The following BOLL variants were observed in gnomAD, a reference collection of about 807,000 sequenced individuals.
The protein encoded by BOLL is boule RNA binding protein.
A neutral mutation model predicts 44.4 loss-of-function variants in BOLL; 23 were observed. The observed-to-expected ratio is 0.52, with a 90% CI of 0.37 to 0.73. BOLL has a LOEUF of 0.73. Ranked by LOEUF, BOLL falls within the 30% of genes least tolerant of loss-of-function variation. The probability of loss-of-function intolerance (pLI) is 0.00; values close to 1 mark genes in which losing one functional copy is unlikely to be tolerated. For missense variants in BOLL, 287 were observed against 338.3 expected, an observed-to-expected ratio of 0.85 and a Z score of 1.19; for synonymous variants, 97 against 110.8, an observed-to-expected ratio of 0.88 and a Z score of 0.78.
chr2:197,755,251 G>A (rs1345651554), intron 9 of BOLL, among the ~76,000 whole-genome samples: 1 of 152,152 alleles, frequency 6.6e-6, no homozygotes, highest in Non-Finnish European at 1.5e-5. Context: ...AACAGATGCT[G>A]GTGAGGCTGT....
At position 197,781,937 on chromosome 2, in the gene BOLL, CAT is replaced by C. The variant is rs1298761359; in HGVS notation, c.-15-74_-15-73del. 6.8e-6 allele frequency: 9 copies of C among 1,328,472 alleles called. No individual in the cohort carries two copies. In the South Asian group the frequency reaches 1.8e-4, roughly 27 times the overall value. 82.3% of individuals were successfully genotyped at this position (1,328,472 alleles called of 1,614,324 possible). A position where few individuals can be genotyped will look rare whatever the true frequency, so the allele number is the denominator to read the frequency against. On this transcript the variant is annotated intron_variant, in intron 1 of 10. Coordinates refer to ENST00000392296, the MANE Select transcript of BOLL (RefSeq NM_033030.6). ...GTCTGCTTTTGATGCAGACCAAAAA[CAT>C]ATATTTTTCAAAAAGAAGAGTCATT...
At position 197,781,814 on chromosome 2, in the gene BOLL, C is replaced by T. The variant is rs2106395295; in HGVS notation, c.37G>A (p.Val13Met). ...GGGTTATTCAAAGGCACAGGTGACA[C>T]AGGATTAGGGGATGGAGATAATGAA... ...TDSLSPSPNPVSPVPLNNPTS... is the reference protein window; with the variant it reads ...TDSLSPSPNPMSPVPLNNPTS... Residue 13 changes from valine to methionine, a missense_variant, in exon 2 of 11, where the codon GTG becomes ATG. Coordinates refer to ENST00000392296, the MANE Select transcript of BOLL (RefSeq NM_033030.6). 6.2e-7 allele frequency: 1 copy of T among 1,607,820 alleles called. No individual in the cohort carries two copies. The highest frequency in any genetic ancestry group is 8.5e-7 in the Non-Finnish European group (1 of 1,175,706).
intron 5 of BOLL, 33 bp downstream of exon 5, chr2:197,775,632 A>G: frequency 7.5e-7 from 1 of 1,329,008 alleles, no homozygotes; most frequent in Non-Finnish European, 1.0e-6. Context: ...CCATGCAAAA[A>G]TATTTAAAAA....
chr2:197,771,676 T>C (rs912616665), intron 6 of BOLL, among the ~76,000 whole-genome samples, 179 bp downstream of exon 6: 4 of 152,050 alleles, frequency 2.6e-5, no homozygotes, highest in African/African-American at 9.7e-5. Context: ...GAAGCTGTCT[T>C]ACTTTACTCC....
chr2:197,771,490 G>A (rs1176840626), intron 6 of BOLL, among the ~76,000 whole-genome samples: 1 of 151,358 alleles, frequency 6.6e-6, no homozygotes. Context: ...AGAACTTAAA[G>A]TATATAAAAA....
At position 197,779,076 on chromosome 2, in the gene BOLL, TA is replaced by T. The variant is rs35066618; in HGVS notation, c.130-11del. 6.3e-7 allele frequency: 1 copy of T among 1,584,464 alleles called. No homozygotes were observed. The highest frequency in any genetic ancestry group is 8.6e-7 in the Non-Finnish European group (1 of 1,159,406). On this transcript the variant is annotated splice_polypyrimidine_tract_variant and intron_variant, in intron 2 of 10. Coordinates refer to ENST00000392296, the MANE Select transcript of BOLL (RefSeq NM_033030.6). ...AATCACTTTCGTTTGTCTAATGGCA[TA>T]AAAAGAAAACGTTAAAAAGCATTTT...
intron 5 of BOLL, chr2:197,773,912 G>A (rs1252713266): frequency 8.5e-6 from 3 of 351,838 alleles, no homozygotes; most frequent in South Asian, 2.3e-5. Context: ...GTTGGGACTC[G>A]GGTGTTGGTA....
At chr2:197,731,458 G>T (rs922242229) in intron 10 of BOLL, among the ~76,000 whole-genome samples, 1 of 145,242 alleles carries the variant, frequency 6.9e-6, no homozygotes, top group African/African-American at 2.6e-5. Context: ...TCTGCACCAA[G>T]CAGACCTAAC....
In BOLL at chr2:197,766,578, A is replaced by G; in HGVS notation, c.506T>C (p.Val169Ala). Reference protein sequence around the residue: ...WPSRSVCSSPVMVAQPIYQQP... With the variant: ...WPSRSVCSSPAMVAQPIYQQP... Reference sequence around the variant, plus strand: ...CTGATAAATGGGCTGAGCTACCATCACAGGGGAGCTACATACAGAACGTGA... The same window carrying G: ...CTGATAAATGGGCTGAGCTACCATCGCAGGGGAGCTACATACAGAACGTGA... The change falls in exon 7 of 11, where the codon GTG becomes GCG. Residue 169 changes from valine to alanine, a missense_variant. Coordinates refer to ENST00000392296, the MANE Select transcript of BOLL (RefSeq NM_033030.6). 1 of 1,612,570 alleles carries G rather than the reference A, an allele frequency of 6.2e-7. No homozygotes were observed. Among genetic ancestry groups the G allele is most frequent in the East Asian group, 2.2e-5 (1 of 44,840 alleles).
In BOLL at chr2:197,779,051, A is replaced by C. The variant is rs1428471901; in HGVS notation, c.145T>G (p.Leu49Val). 6 of 1,609,866 alleles carry C rather than the reference A, an allele frequency of 3.7e-6. No individual in the cohort carries two copies. The South Asian group carries it at 6.6e-5, about 18-fold the overall frequency. ...GIDFKTNESD[L>V]RKFFSQYGSV... ...CCATACTGGGAAAAAAATTTTCTTAAATCACTTTCGTTTGTCTAATGGCAT... is the reference window on the plus strand; with the variant it reads ...CCATACTGGGAAAAAAATTTTCTTACATCACTTTCGTTTGTCTAATGGCAT... Residue 49 changes from leucine (L) to valine (V), a missense_variant, in exon 3 of 11, where the codon TTA becomes GTA. Coordinates refer to ENST00000392296, the MANE Select transcript of BOLL (RefSeq NM_033030.6).
intron 10 of BOLL, among the ~76,000 whole-genome samples, chr2:197,739,033 C>G (rs1234492698): frequency 1.3e-5 from 2 of 152,074 alleles, no homozygotes; most frequent in South Asian, 2.1e-4. Flanking sequence ...TTCTAGAAAA[C>G]TACAGAAGTG....
chr2:197,785,882 T>C, upstream of BOLL: 1 of 1,013,204 alleles, frequency 9.9e-7, no homozygotes, highest in Non-Finnish European at 1.5e-6. The surrounding 1 kb of genome is among the most constrained non-coding windows in gnomAD (Gnocchi z 6.7). Context: ...TAGCGAGCGT[T>C]TGGGGCCTTC....
At chr2:197,757,649 G>A (rs191932131) in intron 7 of BOLL, among the ~76,000 whole-genome samples, 4 of 152,110 alleles carry the variant, frequency 2.6e-5, no homozygotes, top group African/African-American at 7.2e-5. Flanking sequence ...TTAAAATTAT[G>A]GTTCCAAAAG....
chr2:197,742,927 G>A (rs946798931), intron 10 of BOLL, 134 bp downstream of exon 10: 2 of 470,650 alleles, frequency 4.2e-6, no homozygotes, highest in African/African-American at 4.0e-5. Context: ...CTTCACATGA[G>A]TTTGCTAATT....
At chr2:197,769,494 T>A (rs938272312) in intron 6 of BOLL, among the ~76,000 whole-genome samples, 3 of 152,192 alleles carry the variant, frequency 2.0e-5, no homozygotes, top group Admixed American at 2.0e-4. Flanking sequence ...TTGAAAGTTC[T>A]GGCCAGGGCA....
intron 10 of BOLL, among the ~76,000 whole-genome samples, chr2:197,731,253 A>G (rs1187583094): frequency 1.3e-5 from 2 of 151,726 alleles, no homozygotes; most frequent in Non-Finnish European, 2.9e-5. Context: ...CAGTTCAACA[A>G]GAAGAGCTAA....
chr2:197,764,076 T>C (rs1303886731), intron 7 of BOLL, among the ~76,000 whole-genome samples: 1 of 152,202 alleles, frequency 6.6e-6, no homozygotes, highest in African/African-American at 2.4e-5. Context: ...GGAACTCTTA[T>C]ACACTGTTAC....
intron 1 of BOLL, among the ~76,000 whole-genome samples, chr2:197,784,448 A>T (rs1234480294): frequency 1.1e-5 from 1 of 94,798 alleles, no homozygotes; most frequent in African/African-American, 4.1e-5. Flanking sequence ...ATATATATAT[A>T]TTTGAGACAG....
At chr2:197,752,060 T>C (rs1268003903) in intron 9 of BOLL, among the ~76,000 whole-genome samples, 2 of 152,130 alleles carry the variant, frequency 1.3e-5, no homozygotes, top group African/African-American at 4.8e-5. Context: ...CACATGATTA[T>C]CTCAATAGAC....
Sources: allele counts gnomAD v4.1 joint callset (sites outside exome capture counted in the v4.1 genomes callset), GRCh38; gene constraint gnomAD v4.1.1; non-coding constraint Gnocchi (gnomAD v3.1); transcripts MANE v1.5; gene names NCBI Gene and HGNC (gene_info 2026-07-23, HGNC 2026-07-21).